The following CTNNA3 variants were observed in gnomAD, a reference collection of about 807,000 sequenced individuals.
CTNNA3 encodes catenin alpha 3.
In CTNNA3, 76 loss-of-function variants were observed where a neutral mutation model predicts 95.7. That is an observed-to-expected ratio of 0.79 (90% confidence interval 0.66 to 0.96). The LOEUF (loss-of-function observed/expected upper bound fraction) is 0.96. Among genes scored for constraint, CTNNA3 ranks in the 40% least tolerant of loss-of-function variants. CTNNA3 has a pLI of 0.00. For synonymous variants in CTNNA3, 431 were observed against 374.4 expected (o/e 1.15, Z -1.74); for missense variants, 1,191 against 1,089.8 (o/e 1.09, Z -1.31).
chr10:67,329,028 C>T (rs1697215131), intron 5 of CTNNA3, among the ~76,000 whole-genome samples: 1 of 152,146 alleles, frequency 6.6e-6, no homozygotes, highest in Admixed American at 6.5e-5. Flanking sequence ...ATCACTCTTT[C>T]TAATTGATTT....
chr10:66,288,541 T>C (rs1208327892), intron 12 of CTNNA3, among the ~76,000 whole-genome samples: 1 of 152,146 alleles, frequency 6.6e-6, no homozygotes, highest in Admixed American at 6.6e-5. Context: ...CCACCAGATA[T>C]ACGCTGCTAT....
At chr10:67,464,341 T>C (rs1186264852) in intron 5 of CTNNA3, among the ~76,000 whole-genome samples, 1 of 152,168 alleles carries the variant, frequency 6.6e-6, no homozygotes, top group Admixed American at 6.5e-5. Context: ...AAATAATAAC[T>C]CGCGAATAAA....
chr10:67,545,650 C>T (rs979359744), intron 3 of CTNNA3, among the ~76,000 whole-genome samples: 1 of 152,068 alleles, frequency 6.6e-6, no homozygotes, highest in Admixed American at 6.6e-5. Flanking sequence ...AAGAAAGATT[C>T]TGCAGTTAGG....
chr10:67,123,384 C>A (rs1244951555), intron 7 of CTNNA3, among the ~76,000 whole-genome samples: 1 of 152,142 alleles, frequency 6.6e-6, no homozygotes, highest in African/African-American at 2.4e-5. Context: ...AGTATCTATT[C>A]TATGTGCATA....
intron 12 of CTNNA3, among the ~76,000 whole-genome samples, chr10:66,330,560 T>A (rs1249300202): frequency 3.3e-5 from 5 of 152,016 alleles, no homozygotes; most frequent in South Asian, 4.2e-4. Context: ...TAGCAGCATG[T>A]TTTATAATCC....
intron 13 of CTNNA3, among the ~76,000 whole-genome samples, chr10:66,165,070 G>A (rs1363735605): frequency 2.6e-5 from 4 of 152,138 alleles, no homozygotes; most frequent in Non-Finnish European, 5.9e-5. Flanking sequence ...ATACACCATG[G>A]AGTACTATGA....
intron 3 of CTNNA3, among the ~76,000 whole-genome samples, chr10:67,550,642 T>A (rs1051155563): frequency 1.3e-5 from 2 of 151,214 alleles, no homozygotes; most frequent in African/African-American, 4.8e-5. Flanking sequence ...AATAAAGAAA[T>A]TCTTTTATTA....
At chr10:66,126,154 T>C (rs1430596223) in intron 13 of CTNNA3, among the ~76,000 whole-genome samples, 3 of 152,198 alleles carry the variant, frequency 2.0e-5, no homozygotes, top group Admixed American at 1.3e-4. Context: ...ATGTAATCCA[T>C]AAGACTGAAG....
intron 5 of CTNNA3, among the ~76,000 whole-genome samples, chr10:67,520,429 C>T (rs1434607783): frequency 6.6e-6 from 1 of 152,062 alleles, no homozygotes; most frequent in African/African-American, 2.4e-5. Flanking sequence ...TACTGCCTGC[C>T]AGCTCAAATA....
chr10:67,452,336 T>C (rs1847020512), intron 5 of CTNNA3, among the ~76,000 whole-genome samples: 1 of 152,156 alleles, frequency 6.6e-6, no homozygotes, highest in Non-Finnish European at 1.5e-5. Flanking sequence ...AACTTTAAAT[T>C]ATGCTATCAT....
intron 3 of CTNNA3, among the ~76,000 whole-genome samples, chr10:67,576,015 C>T (rs764483320): frequency 2.0e-5 from 3 of 152,148 alleles, no homozygotes; most frequent in Non-Finnish European, 2.9e-5. Flanking sequence ...AATAGTTCAC[C>T]TGAAACAGAG....
intron 7 of CTNNA3, among the ~76,000 whole-genome samples, chr10:67,010,010 G>A (rs1223386167): frequency 6.6e-6 from 1 of 151,950 alleles, no homozygotes; most frequent in Non-Finnish European, 1.5e-5. Context: ...GAGGCTTTAG[G>A]GATTCAAACT....
intron 5 of CTNNA3, among the ~76,000 whole-genome samples, chr10:67,489,805 T>TATATATATATATATATATACAC (rs927605119): frequency 1.1e-4 from 17 of 148,964 alleles, no homozygotes; most frequent in African/African-American, 4.0e-4. Context: ...TATATATATA[T>TATATATATATATATATATACAC]ACACACATTA....
intron 17 of CTNNA3, among the ~76,000 whole-genome samples, chr10:65,963,861 CT>C (rs1233494449): frequency 3.2e-4 from 49 of 152,232 alleles, no homozygotes; most frequent in African/African-American, 1.1e-3. Flanking sequence ...AAGAATATCT[CT>C]CAGGTTATTT....
rs553018650 is a variant in CTNNA3 at position 66,929,914 on chromosome 10, A to G, written c.1048-154390T>C. Among the ~76,000 whole-genome samples, 251 of 152,342 alleles carry G rather than the reference A, an allele frequency of 1.6e-3. 2 individuals are homozygous for G. Among genetic ancestry groups the G allele is most frequent in the African/African-American group, 5.5e-3 (229 of 41,584 alleles). On this transcript the variant is annotated intron_variant, in intron 7 of 17. Transcript: ENST00000433211. Reference sequence around the variant, plus strand: ...CCTCCAAAATGAACAGTTCTATTATAGAAGCAAATATCAGGAACTGCAACA... The same window carrying G: ...CCTCCAAAATGAACAGTTCTATTATGGAAGCAAATATCAGGAACTGCAACA...
chr10:67,674,984 T>C (rs1840509292), intron 1 of CTNNA3, among the ~76,000 whole-genome samples: 1 of 152,142 alleles, frequency 6.6e-6, no homozygotes, highest in Non-Finnish European at 1.5e-5. Flanking sequence ...TTCTAGGTTA[T>C]TGCCATACAT....
chr10:67,167,523 A>C (rs908528270), intron 7 of CTNNA3, among the ~76,000 whole-genome samples: 1 of 152,230 alleles, frequency 6.6e-6, no homozygotes. Flanking sequence ...TGGTCAACCA[A>C]GTTATTAAGT....
chr10:66,572,228 C>G (rs967706372), intron 10 of CTNNA3, among the ~76,000 whole-genome samples: 1 of 151,462 alleles, frequency 6.6e-6, no homozygotes, highest in African/African-American at 2.4e-5. Context: ...ACTAAAAATA[C>G]AAAAAATAGC....
chr10:67,125,655 G>A (rs546619750), intron 7 of CTNNA3, among the ~76,000 whole-genome samples: 2 of 152,230 alleles, frequency 1.3e-5, no homozygotes, highest in East Asian at 1.9e-4. Context: ...GGGTTGTACC[G>A]TAAACGCATA....
Sources: allele counts gnomAD v4.1 joint callset (sites outside exome capture counted in the v4.1 genomes callset), GRCh38; gene constraint gnomAD v4.1.1; transcripts MANE v1.5; gene names NCBI Gene and HGNC (gene_info 2026-07-23, HGNC 2026-07-21).